Variants in PLCG2 observed in about 807,000 individuals in gnomAD.
PLCG2 encodes 1-phosphatidylinositol 4,5-bisphosphate phosphodiesterase gamma-2.
PLCG2 carries 69 observed loss-of-function variants against 175.6 expected under a neutral mutation model. That is an observed-to-expected ratio of 0.39 (90% CI 0.32 to 0.48). The LOEUF (loss-of-function observed/expected upper bound fraction) is 0.48. Ranked by LOEUF, PLCG2 falls within the 20% of genes least tolerant of loss-of-function variation. The pLI, the probability that PLCG2 is intolerant of heterozygous loss-of-function variation, is 0.91. For missense variants in PLCG2, 1,798 were observed against 1,650.9 expected (o/e 1.09, Z -1.54); for synonymous variants, 827 against 624.0 (o/e 1.33, Z -4.85).
chr16:81,819,381 G>A (rs1359247955), intron 2 of PLCG2, among the ~76,000 whole-genome samples: 1 of 152,098 alleles, frequency 6.6e-6, no homozygotes, highest in Admixed American at 6.5e-5. Flanking sequence ...CCTGTGAGGC[G>A]AGGGAGCTCC....
At chr16:81,812,931 A>G (rs558185097) in intron 2 of PLCG2, among the ~76,000 whole-genome samples, 4 of 152,294 alleles carry the variant, frequency 2.6e-5, no homozygotes, top group African/African-American at 9.6e-5. Context: ...TTAAGTAGGG[A>G]ATCCTTTCCC....
At chr16:81,781,089 A>G (rs1307257334) in intron 1 of PLCG2, among the ~76,000 whole-genome samples, 1 of 148,180 alleles carries the variant, frequency 6.7e-6, no homozygotes, top group East Asian at 2.6e-4. Context: ...CAGCAAGAAC[A>G]CAAAGAGAAA....
chr16:81,748,472 G>C (rs1244631587), intron 1 of PLCG2, among the ~76,000 whole-genome samples: 4 of 151,952 alleles, frequency 2.6e-5, no homozygotes, highest in Non-Finnish European at 5.9e-5. Context: ...TTGTGGAAAT[G>C]CTCAAAGACT....
intron 2 of PLCG2, among the ~76,000 whole-genome samples, chr16:81,843,406 A>G (rs1905939640): frequency 6.6e-6 from 1 of 152,162 alleles, no homozygotes; most frequent in Admixed American, 6.5e-5. Flanking sequence ...CTGAAAACAC[A>G]CTGGAGAGGA....
At chr16:81,740,148 A>AG (rs1909556476) in intron 1 of PLCG2, 1 of 144,792 alleles carries the variant, frequency 6.9e-6, no homozygotes, top group African/African-American at 2.5e-5. Flanking sequence ...CAAAAAAAAA[A>AG]AAAAAAAAAA....
chr16:81,759,633 C>A (rs954450323), intron 2 of PLCG2, among the ~76,000 whole-genome samples: 24 of 152,328 alleles, frequency 1.6e-4, no homozygotes, highest in African/African-American at 5.5e-4. Flanking sequence ...GTGCCTGGAG[C>A]CCCTGTCATC....
intron 19 of PLCG2, among the ~76,000 whole-genome samples, chr16:81,913,101 T>C (rs1375878391): frequency 6.6e-6 from 1 of 152,170 alleles, no homozygotes; most frequent in African/African-American, 2.4e-5. Flanking sequence ...CCCAGGCCTG[T>C]GATGATATAG....
At chr16:81,906,765 C>T (rs1002820369) in intron 15 of PLCG2, among the ~76,000 whole-genome samples, 9 of 152,274 alleles carry the variant, frequency 5.9e-5, no homozygotes, top group Admixed American at 3.9e-4. Context: ...TTGGGCCAGG[C>T]GCGATGGCTC....
At chr16:81,792,914 T>C (rs1258146722) in intron 2 of PLCG2, among the ~76,000 whole-genome samples, 6 of 152,254 alleles carry the variant, frequency 3.9e-5, no homozygotes, top group Admixed American at 2.0e-4. Context: ...TCTTTTGTTA[T>C]ATTTCTGTGC....
intron 2 of PLCG2, among the ~76,000 whole-genome samples, chr16:81,839,202 G>T (rs1905690627): frequency 1.3e-5 from 2 of 152,166 alleles, no homozygotes; most frequent in Admixed American, 6.5e-5. Context: ...TGAAAACGGT[G>T]AGTTGATTTA....
intron 19 of PLCG2, among the ~76,000 whole-genome samples, chr16:81,913,557 G>T (rs78432615): frequency 0.019 from 2,897 of 152,338 alleles, 97 homozygotes; most frequent in African/African-American, 0.066. Flanking sequence ...CTAGCCAGAG[G>T]CCTGGGGGCC....
At chr16:81,915,279 C>T (rs1280647925) in intron 19 of PLCG2, among the ~76,000 whole-genome samples, 2 of 152,156 alleles carry the variant, frequency 1.3e-5, no homozygotes, top group East Asian at 1.9e-4. Context: ...TAAAGTGCCT[C>T]TCCTGTGCCA....
At chr16:81,752,312 A>C (rs1356863362) in intron 1 of PLCG2, among the ~76,000 whole-genome samples, 3 of 152,028 alleles carry the variant, frequency 2.0e-5, no homozygotes, top group Non-Finnish European at 4.4e-5. Flanking sequence ...TCCAAGAAGC[A>C]CCCGGCCAGC....
chr16:81,830,815 T>C (rs1212653465), intron 2 of PLCG2, among the ~76,000 whole-genome samples: 1 of 149,268 alleles, frequency 6.7e-6, no homozygotes, highest in African/African-American at 2.5e-5. Context: ...ATGGGAAGGG[T>C]GAGGGGGGCA....
intron 19 of PLCG2, among the ~76,000 whole-genome samples, chr16:81,917,831 C>G (rs1159892558): frequency 6.6e-6 from 1 of 152,230 alleles, no homozygotes; most frequent in South Asian, 2.1e-4. Flanking sequence ...ACGCCATTCT[C>G]TTGCCTCAGC....
intron 19 of PLCG2, among the ~76,000 whole-genome samples, chr16:81,916,984 T>C (rs1024298885): frequency 6.6e-6 from 1 of 152,178 alleles, no homozygotes; most frequent in Non-Finnish European, 1.5e-5. Context: ...CATAGATCTC[T>C]TGCACTTACT....
intron 31 of PLCG2, among the ~76,000 whole-genome samples, chr16:81,950,768 G>T (rs1207962476): frequency 2.0e-5 from 3 of 152,170 alleles, no homozygotes; most frequent in African/African-American, 7.2e-5. Flanking sequence ...AAATTACTTA[G>T]AAAGTAAAAC....
intron 1 of PLCG2, among the ~76,000 whole-genome samples, chr16:81,779,662 CG>C (rs1457617743): frequency 2.0e-5 from 3 of 152,110 alleles, no homozygotes; most frequent in Non-Finnish European, 4.4e-5. Context: ...GCCACCTCTC[CG>C]GTCCGTGCGG....
chr16:81,799,756 C>G (rs555981764), intron 2 of PLCG2, among the ~76,000 whole-genome samples: 97 of 152,198 alleles, frequency 6.4e-4, no homozygotes, highest in African/African-American at 2.2e-3. Context: ...CCACACTTGG[C>G]TAATTTTTTT....
Sources: allele counts gnomAD v4.1 joint callset (sites outside exome capture counted in the v4.1 genomes callset), GRCh38; gene constraint gnomAD v4.1.1; transcripts MANE v1.5; gene names NCBI Gene and HGNC (gene_info 2026-07-23, HGNC 2026-07-21).